Variants in RSPH14 observed in about 807,000 individuals in gnomAD.
RSPH14 encodes the protein rhabdoid tumor deletion region gene 1.
RSPH14 carries 20 observed loss-of-function variants against 26.7 expected under a neutral mutation model. The observed-to-expected ratio is 0.75, with a 90% confidence interval of 0.53 to 1.09. RSPH14 has a LOEUF of 1.09. Ranked by LOEUF, RSPH14 falls within the 50% of genes least tolerant of loss-of-function variation. The pLI is 0.00. For synonymous variants in RSPH14, 177 were observed against 189.3 expected (o/e 0.93, Z 0.53); for missense variants, 449 against 457.2 (o/e 0.98, Z 0.16).
intron 4 of RSPH14, chr22:23,070,865 G>A (rs1448158110): frequency 6.6e-6 from 1 of 152,130 alleles, no homozygotes; most frequent in Admixed American, 6.5e-5. Flanking sequence ...TGGACAGAGG[G>A]CGCCGGGGAT....
the RSPH14 span, among the ~76,000 whole-genome samples, chr22:23,172,449 C>G: frequency 6.7e-6 from 1 of 149,950 alleles, no homozygotes; most frequent in Admixed American, 6.6e-5. Flanking sequence ...GGTGCAGTGG[C>G]TCAGCCTGTA....
At chr22:23,159,002 T>C in the RSPH14 span, 1 of 1,612,020 alleles carries the variant, frequency 6.2e-7, no homozygotes, top group Non-Finnish European at 8.5e-7. Context: ...GCACTGGTGG[T>C]CTGGGTGGCC....
At chr22:23,136,168 C>A in intron 3 of RSPH14, 1 of 673,646 alleles carries the variant, frequency 1.5e-6, no homozygotes, top group South Asian at 1.7e-5. Context: ...GTTGTGTTTG[C>A]CTGTGTGCCT....
intron 4 of RSPH14, chr22:23,131,576 A>G: frequency 7.7e-7 from 1 of 1,295,498 alleles, no homozygotes; most frequent in East Asian, 5.6e-5. Context: ...AATGCTTTAA[A>G]TAGGTCACAA....
the RSPH14 span, chr22:23,161,149 T>C: frequency 1.0e-6 from 1 of 1,004,104 alleles, no homozygotes; most frequent in Non-Finnish European, 1.4e-6. Context: ...CACTGCAGCC[T>C]CAGGCCTGTA....
chr22:23,107,583 G>A (rs1257122048), intron 4 of RSPH14, among the ~76,000 whole-genome samples: 1 of 152,136 alleles, frequency 6.6e-6, no homozygotes, highest in East Asian at 1.9e-4. Context: ...GTCTGCAGGT[G>A]GCAGCAGCTG....
At chr22:23,117,339 C>T (rs1317584522) in intron 4 of RSPH14, among the ~76,000 whole-genome samples, 3 of 152,238 alleles carry the variant, frequency 2.0e-5, no homozygotes, top group African/African-American at 4.8e-5. Flanking sequence ...TTCATCACAT[C>T]GGCCATTGCA....
chr22:23,086,384 G>C (rs151305394), intron 4 of RSPH14, among the ~76,000 whole-genome samples: 1 of 152,230 alleles, frequency 6.6e-6, no homozygotes, highest in Non-Finnish European at 1.5e-5. Context: ...ATGAGATGAC[G>C]TGTGTGAGCA....
intron 4 of RSPH14, among the ~76,000 whole-genome samples, chr22:23,110,038 C>T (rs1342116756): frequency 6.6e-6 from 1 of 152,212 alleles, no homozygotes; most frequent in Non-Finnish European, 1.5e-5. Flanking sequence ...GAGGGAAGCA[C>T]TAACCAGATT....
At chr22:23,145,577 G>A (rs773504473), upstream of RSPH14, 1 of 1,586,742 alleles carries the variant, frequency 6.3e-7, no homozygotes, top group South Asian at 1.1e-5. Context: ...CACTCTGTCC[G>A]ACCCTCCCGG....
intron 4 of RSPH14, among the ~76,000 whole-genome samples, chr22:23,105,047 G>A (rs1288981576): frequency 1.3e-5 from 2 of 152,348 alleles, no homozygotes; most frequent in South Asian, 2.1e-4. Context: ...ATCACACCTC[G>A]TGGTGGACAT....
At chr22:23,159,466 G>A in the RSPH14 span, among the ~76,000 whole-genome samples, 1 of 152,246 alleles carries the variant, frequency 6.6e-6, no homozygotes, top group Non-Finnish European at 1.5e-5. Context: ...GAAGCTGGGA[G>A]GCCTGCCTCA....
chr22:23,175,345 T>C, the RSPH14 span, among the ~76,000 whole-genome samples: 1 of 146,838 alleles, frequency 6.8e-6, no homozygotes, highest in Non-Finnish European at 1.5e-5. Flanking sequence ...GGTTGGCTTG[T>C]TTGTTTGTTT....
intron 5 of RSPH14, among the ~76,000 whole-genome samples, chr22:23,063,630 C>T (rs2068136694): frequency 6.6e-6 from 1 of 152,202 alleles, no homozygotes; most frequent in Non-Finnish European, 1.5e-5. Context: ...CAGTGCATCT[C>T]CTGTGCTGGC....
At chr22:23,060,881 G>A (rs997162814) in intron 6 of RSPH14, among the ~76,000 whole-genome samples, 1 of 152,194 alleles carries the variant, frequency 6.6e-6, no homozygotes, top group Non-Finnish European at 1.5e-5. Flanking sequence ...TCAGCCTCTT[G>A]TGTCTCGAGC....
intron 4 of RSPH14, among the ~76,000 whole-genome samples, chr22:23,116,312 C>T (rs898609629): frequency 3.3e-5 from 5 of 152,220 alleles, no homozygotes; most frequent in Non-Finnish European, 7.3e-5. Flanking sequence ...GAAAAAGACA[C>T]CTGGGTCATG....
chr22:23,102,649 A>G (rs1046696926), intron 4 of RSPH14, among the ~76,000 whole-genome samples: 1 of 151,930 alleles, frequency 6.6e-6, no homozygotes, highest in East Asian at 1.9e-4. Context: ...TTGGCCCCCA[A>G]CTCCTCATCA....
At chr22:23,089,629 G>A (rs928017660) in intron 4 of RSPH14, among the ~76,000 whole-genome samples, 10 of 152,154 alleles carry the variant, frequency 6.6e-5, no homozygotes, top group Non-Finnish European at 1.2e-4. Context: ...ACAGACTTGA[G>A]AGGGCCACGT....
intron 5 of RSPH14, 57 bp from the exon 6 acceptor site, chr22:23,062,002 G>GC (rs2068107489): frequency 2.5e-6 from 4 of 1,599,426 alleles, no homozygotes; most frequent in Non-Finnish European, 2.6e-6. Flanking sequence ...GAGGCGCAAG[G>GC]CCCAGGAGTG....
Sources: allele counts gnomAD v4.1 joint callset (sites outside exome capture counted in the v4.1 genomes callset), GRCh38; gene constraint gnomAD v4.1.1; transcripts MANE v1.5; gene names NCBI Gene and HGNC (gene_info 2026-07-23, HGNC 2026-07-21).